The following CCDC169 variants were observed in gnomAD, a reference collection of about 807,000 sequenced individuals.
CCDC169 encodes coiled-coil domain-containing protein 169.
Under a neutral mutation model 36.0 loss-of-function variants are expected in CCDC169, and 30 were observed. The observed-to-expected ratio is 0.83, with a 90% CI of 0.62 to 1.13. CCDC169 has a LOEUF of 1.13. CCDC169 is among the 50% of genes most tolerant of loss of function. The pLI, the probability that CCDC169 is intolerant of heterozygous loss-of-function variation, is 0.00. For synonymous variants in CCDC169, 85 were observed against 81.5 expected, an observed-to-expected ratio of 1.04 and a Z score of -0.23; for missense variants, 245 against 245.9, an observed-to-expected ratio of 1.00 and a Z score of 0.03.
chr13:36,244,526 G>A (rs1427008053), intron 7 of CCDC169: 1 of 152,086 alleles, frequency 6.6e-6, no homozygotes, highest in Non-Finnish European at 1.5e-5. Flanking sequence ...GAAAACTTTC[G>A]GAAGCTTGAG....
At chr13:36,252,105 C>T (rs1381376094) in intron 6 of CCDC169, among the ~76,000 whole-genome samples, 1 of 152,086 alleles carries the variant, frequency 6.6e-6, no homozygotes, top group Non-Finnish European at 1.5e-5. Context: ...CATGTCATGG[C>T]CCCATAAAGA....
chr13:36,227,240 G>C (rs1215963066), downstream of CCDC169: 6 of 1,550,492 alleles, frequency 3.9e-6, no homozygotes, highest in African/African-American at 6.8e-5. Context: ...CCAAGGTTGA[G>C]GACCCATGTA....
At chr13:36,244,635 GAAAGAAAGAAAA>G (rs1174920356) in intron 7 of CCDC169, 1 of 149,898 alleles carries the variant, frequency 6.7e-6, no homozygotes, top group Non-Finnish European at 1.5e-5. Context: ...ATGGATTAGA[GAAAGAAAGAAAA>G]AAAGAAAGAA....
chr13:36,254,640 GTATTGTAC>G (rs1168615133), intron 4 of CCDC169, among the ~76,000 whole-genome samples: 1 of 152,086 alleles, frequency 6.6e-6, no homozygotes, highest in Non-Finnish European at 1.5e-5. Context: ...AATATGTCAT[GTATTGTAC>G]TAAGTGTTTT....
intron 4 of CCDC169, among the ~76,000 whole-genome samples, chr13:36,261,580 C>T (rs1185260194): frequency 2.0e-5 from 3 of 152,186 alleles, no homozygotes; most frequent in Non-Finnish European, 4.4e-5. Flanking sequence ...AACAATCTTA[C>T]TATCCTTTTC....
chr13:36,222,204 G>A (rs1869648020), downstream of CCDC169: 1 of 152,032 alleles, frequency 6.6e-6, no homozygotes, highest in African/African-American at 2.4e-5. Flanking sequence ...ATGAAGTGAG[G>A]CCCATCCATC....
intron 2 of CCDC169, among the ~76,000 whole-genome samples, chr13:36,292,108 C>A (rs1755072951): frequency 6.6e-6 from 1 of 152,036 alleles, no homozygotes; most frequent in African/African-American, 2.4e-5. Flanking sequence ...CTGCCTCAGC[C>A]TCCAGAGTAG....
In CCDC169 at chr13:36,268,088, C is replaced by A. The variant is rs1185505664; in HGVS notation, c.316-13945G>T. On this transcript the variant is annotated intron_variant, in intron 4 of 7. Transcript: ENST00000239859. ...ATCTTTCAGACAGAAAGTCAACAAA[C>A]AATGAACTTAAATGACACTCCAGAA... 3.3e-5 allele frequency among the ~76,000 whole-genome samples: 5 copies of A among 152,106 alleles called. No individual in the cohort carries two copies. The East Asian group carries it at 9.6e-4, about 29-fold the overall frequency.
chr13:36,238,268 T>C (rs1349180128), intron 7 of CCDC169, among the ~76,000 whole-genome samples: 1 of 152,172 alleles, frequency 6.6e-6, no homozygotes, highest in African/African-American at 2.4e-5. Flanking sequence ...TTATTATTTT[T>C]ATTTTAAAAA....
chr13:36,279,837 C>A (rs1270832677), intron 4 of CCDC169, among the ~76,000 whole-genome samples: 1 of 152,118 alleles, frequency 6.6e-6, no homozygotes, highest in Non-Finnish European at 1.5e-5. Context: ...AACTGCAATG[C>A]TGAAAATATT....
chr13:36,253,246 A>G (rs956778325), intron 6 of CCDC169, among the ~76,000 whole-genome samples: 1 of 152,346 alleles, frequency 6.6e-6, no homozygotes. Flanking sequence ...TACCTGTTTG[A>G]ATTCTAGTGA....
intron 7 of CCDC169, among the ~76,000 whole-genome samples, chr13:36,235,383 C>A (rs896745533): frequency 6.6e-6 from 1 of 151,848 alleles, no homozygotes; most frequent in Non-Finnish European, 1.5e-5. Flanking sequence ...GTTTGCTCCT[C>A]TTTTTCAAGT....
chr13:36,246,800 A>G (rs1594014839), intron 7 of CCDC169, among the ~76,000 whole-genome samples: 2 of 152,312 alleles, frequency 1.3e-5, no homozygotes, highest in Admixed American at 6.5e-5. Flanking sequence ...GAAAAGTGGG[A>G]AATTCTGGCC....
intron 4 of CCDC169, among the ~76,000 whole-genome samples, chr13:36,266,744 A>C (rs1032398792): frequency 2.6e-5 from 4 of 152,304 alleles, no homozygotes; most frequent in African/African-American, 9.6e-5. Flanking sequence ...CTTCTTCCAC[A>C]GTATTCTACT....
At position 36,287,639 on chromosome 13, in the gene CCDC169, TC is replaced by T. The variant is rs536854981; in HGVS notation, c.164-3938del. Among the ~76,000 whole-genome samples the T allele has an allele frequency of 2.2e-3, 341 of 152,316 alleles. 2 individuals are homozygous for T. Among genetic ancestry groups the T allele is most frequent in the African/African-American group, 7.8e-3 (323 of 41,572 alleles). On this transcript the variant is annotated intron_variant, in intron 2 of 7. Coordinates refer to ENST00000239859, the MANE Select transcript of CCDC169 (RefSeq NM_001144981.3). ...AGTAAATGAGTACTCAAAAATTAAGTCCAAATGCTTTTCAAGTGCATGTGAA... is the reference window on the plus strand; with the variant it reads ...AGTAAATGAGTACTCAAAAATTAAGTCAAATGCTTTTCAAGTGCATGTGAA...
At chr13:36,240,581 A>G in intron 7 of CCDC169, 1 of 1,256,826 alleles carries the variant, frequency 8.0e-7, no homozygotes, top group Non-Finnish European at 1.0e-6. Flanking sequence ...AAGTCCTAGT[A>G]TCAATTTCCC....
chr13:36,283,051 G>A (rs909235694), intron 4 of CCDC169: 3 of 177,794 alleles, frequency 1.7e-5, no homozygotes, highest in Non-Finnish European at 3.5e-5. Context: ...ATAACTCTAT[G>A]ACAGCACATG....
At chr13:36,259,164 A>G (rs548733062) in intron 4 of CCDC169, among the ~76,000 whole-genome samples, 1 of 152,278 alleles carries the variant, frequency 6.6e-6, no homozygotes, top group East Asian at 1.9e-4. Flanking sequence ...AGCCGCCATG[A>G]TAGTGAGGGC....
intron 4 of CCDC169, among the ~76,000 whole-genome samples, chr13:36,269,998 C>T (rs764888492): frequency 7.9e-5 from 12 of 152,114 alleles, no homozygotes; most frequent in African/African-American, 2.4e-4. Context: ...TGTTTTCAGA[C>T]GACATGATCG....
Sources: allele counts gnomAD v4.1 joint callset (sites outside exome capture counted in the v4.1 genomes callset), GRCh38; gene constraint gnomAD v4.1.1; transcripts MANE v1.5; gene names NCBI Gene and HGNC (gene_info 2026-07-23, HGNC 2026-07-21).